The following PLXNB2 variants were observed in gnomAD, a reference collection of about 807,000 sequenced individuals.
PLXNB2 encodes the protein plexin B2, also known as plexin-B2.
In PLXNB2, 85 loss-of-function variants were observed where a neutral mutation model predicts 202.6. That is an observed-to-expected ratio of 0.42 (90% CI 0.35 to 0.50). The LOEUF (loss-of-function observed/expected upper bound fraction) is 0.50, where lower values mean the gene tolerates loss of function less well. Ranked by LOEUF, PLXNB2 falls within the 20% of genes least tolerant of loss-of-function variation. The pLI is 0.02. For synonymous variants in PLXNB2, 1,239 were observed against 1,137.6 expected (o/e 1.09, Z -1.79); for missense variants, 2,063 against 2,586.2 (o/e 0.80, Z 4.39).
intron 1 of PLXNB2, among the ~76,000 whole-genome samples, chr22:50,303,569 G>A (rs562366226): frequency 6.6e-6 from 1 of 152,362 alleles, no homozygotes; most frequent in African/African-American, 2.4e-5. Flanking sequence ...CCCTCAGGGG[G>A]CCGTGTTCAC....
intron 1 of PLXNB2, among the ~76,000 whole-genome samples, chr22:50,299,230 G>A (rs2067494384): frequency 6.6e-6 from 1 of 150,892 alleles, no homozygotes; most frequent in South Asian, 2.1e-4. Flanking sequence ...GGTGGAGAAG[G>A]CAGAGGTCCT....
chr22:50,287,346 T>A (rs1355250460), intron 7 of PLXNB2, 82 bp from the exon 8 acceptor site: 2 of 1,398,350 alleles, frequency 1.4e-6, no homozygotes, highest in East Asian at 5.1e-5. Context: ...TCCCTGCGTG[T>A]GTGGGCGCAC....
chr22:50,286,301 A>G lies in PLXNB2; in HGVS notation c.1763-14T>C, dbSNP rs772936957. The G allele has an allele frequency of 3.8e-6, 6 of 1,595,596 alleles. No homozygotes were observed. Among genetic ancestry groups the G allele is most frequent in the Non-Finnish European group, 4.3e-6 (5 of 1,164,730 alleles). On this transcript the variant is annotated splice_polypyrimidine_tract_variant and intron_variant, in intron 8 of 36. Coordinates refer to ENST00000359337, the MANE Select transcript of PLXNB2 (RefSeq NM_012401.4). ...CGGCCACGTGGTCTGCAGACAGCAG[A>G]GGGGGAGGTGTCAAGGTGGCGGCCG...
chr22:50,303,949 A>G (rs1263491627), intron 1 of PLXNB2, among the ~76,000 whole-genome samples: 1 of 152,218 alleles, frequency 6.6e-6, no homozygotes, highest in Non-Finnish European at 1.5e-5. Flanking sequence ...ACCTGCCCCC[A>G]GGCGCCCTGA....
At chr22:50,299,739 C>A (rs889782811) in intron 1 of PLXNB2, among the ~76,000 whole-genome samples, 3 of 152,116 alleles carry the variant, frequency 2.0e-5, no homozygotes, top group Non-Finnish European at 4.4e-5. Context: ...GGCGGCCCCG[C>A]CACCCAGCCC....
chr22:50,281,448 G>A lies in PLXNB2; in HGVS notation c.3574C>T (p.Arg1192Trp), dbSNP rs1372118434. 8.1e-6 allele frequency: 13 copies of A among 1,612,296 alleles called. No individual in the cohort carries two copies. Among genetic ancestry groups the A allele is most frequent in the South Asian group, 1.1e-5 (1 of 91,056 alleles). ...WVLGRVEYDTRVSDVPLSLIL... is the reference protein window; with the variant it reads ...WVLGRVEYDTWVSDVPLSLIL... ...AGGCTGAGCGGCACGTCGCTCACCC[G>A]TGTGTCGTACTCCACGCGGCCCAGC... is the stretch of plus-strand genomic sequence containing the variant. Residue 1192 changes from arginine to tryptophan, a missense_variant, in exon 22 of 37, where the codon CGG becomes TGG. This residue lies in a region of PLXNB2 where 760 missense variants were observed against 1,109.4 expected (regional missense o/e 0.69). Transcript: ENST00000359337.
rs1280294689 is a variant in PLXNB2, at chr22:50,283,942, C to T, written c.2312G>A (p.Arg771Gln). 8.3e-6 allele frequency: 13 copies of T among 1,560,904 alleles called. No homozygotes were observed. Among genetic ancestry groups the T allele is most frequent in the Admixed American group, 1.9e-5 (1 of 52,432 alleles). The change falls in exon 14 of 37, where the codon CGG becomes CAG. Residue 771 changes from arginine (R) to glutamine (Q), a missense_variant. Arg to Gln is a conservative substitution (Grantham distance 43). Transcript: ENST00000359337. ...SFGRSDCSLC[R>Q]AANPDYRCAW... ...ACACCTGTAGTCGGGGTTAGCGGCC[C>T]GGCACAGGCTGCAGTCGCTGCGGCC... is the stretch of plus-strand genomic sequence containing the variant.
intron 35 of PLXNB2, among the ~76,000 whole-genome samples, chr22:50,276,370 G>C (rs1451598253): frequency 2.9e-5 from 4 of 137,814 alleles, no homozygotes; most frequent in East Asian, 2.2e-4. Flanking sequence ...CCGCAGGGAG[G>C]GGGCGCTGTG....
intron 1 of PLXNB2, among the ~76,000 whole-genome samples, chr22:50,295,991 A>C (rs943177996): frequency 6.6e-6 from 1 of 151,850 alleles, no homozygotes; most frequent in Admixed American, 6.6e-5. Flanking sequence ...AATCCCAACT[A>C]CTCAGGAGGC....
At chr22:50,298,925 C>T (rs1450440939) in intron 1 of PLXNB2, among the ~76,000 whole-genome samples, 1 of 152,238 alleles carries the variant, frequency 6.6e-6, no homozygotes, top group Admixed American at 6.5e-5. Flanking sequence ...GAATTACAGG[C>T]GTGAGCCACC....
rs780872488 is a variant in PLXNB2, at chr22:50,280,332, C to T, written c.4175+157G>A. Reference sequence around the variant, plus strand: ...TAGAGTCCGGCTTTGAGTTTGTGGCCGGGGACACCACCCCTAGACCGCCCC... The same window carrying T: ...TAGAGTCCGGCTTTGAGTTTGTGGCTGGGGACACCACCCCTAGACCGCCCC... On this transcript the variant is annotated intron_variant, in intron 25 of 36. Coordinates refer to ENST00000359337, the MANE Select transcript of PLXNB2 (RefSeq NM_012401.4). 2.0e-5 allele frequency among the ~76,000 whole-genome samples: 3 copies of T among 152,296 alleles called. No individual in the cohort carries two copies. In the East Asian group the frequency reaches 5.8e-4, roughly 29 times the overall value.
intron 7 of PLXNB2, among the ~76,000 whole-genome samples, 183 bp from the exon 8 acceptor site, chr22:50,287,447 T>C (rs955139794): frequency 6.6e-6 from 1 of 151,914 alleles, no homozygotes; most frequent in Non-Finnish European, 1.5e-5. Context: ...AGGGCCTGAG[T>C]CCACCCTGGA....
At position 50,276,828 on chromosome 22, in the gene PLXNB2, G is replaced by A; in HGVS notation, c.5261+14C>T. ...TGGGCATGGGGGCCTGGCCTGGAGG[G>A]CAGGCAGACTTACTCCTCCACCATC... On this transcript the variant is annotated intron_variant, in intron 34 of 36. Coordinates refer to ENST00000359337, the MANE Select transcript of PLXNB2 (RefSeq NM_012401.4). The A allele has an allele frequency of 2.5e-6, 4 of 1,599,806 alleles. No homozygotes were observed. The highest frequency in any genetic ancestry group is 3.4e-6 in the Non-Finnish European group (4 of 1,169,138).
Position 50,278,408 on chromosome 22 carries a change from G to A in PLXNB2, c.4732+27C>T, listed in dbSNP as rs773798699. 89 of 1,562,008 alleles carry A rather than the reference G, an allele frequency of 5.7e-5. No individual in the cohort carries two copies. The South Asian group carries it at 9.9e-4, about 17-fold the overall frequency. ...CCACGCTGACCACCAGGGGCTGGAA[G>A]GAAACGGGCAACAGGGAGGGACTCA... is the stretch of plus-strand genomic sequence containing the variant. On this transcript the variant is annotated intron_variant, in intron 30 of 36. Transcript: ENST00000359337.
At chr22:50,281,008 C>G in intron 23 of PLXNB2, 35 bp from the exon 24 acceptor site, 2 of 1,605,124 alleles carry the variant, frequency 1.2e-6, no homozygotes, top group South Asian at 2.2e-5. Context: ...TCCCTGGCCA[C>G]GTGGGGCCCT....
At chr22:50,300,819 T>G (rs1276068757) in intron 1 of PLXNB2, among the ~76,000 whole-genome samples, 1 of 152,134 alleles carries the variant, frequency 6.6e-6, no homozygotes, top group Non-Finnish European at 1.5e-5. Context: ...GGGTGCCCCA[T>G]GAAGCCCCAG....
chr22:50,294,114 C>T (rs997708734), intron 2 of PLXNB2, among the ~76,000 whole-genome samples: 6 of 152,272 alleles, frequency 3.9e-5, no homozygotes, highest in South Asian at 2.1e-4. Context: ...CAGCCAGCTA[C>T]GCTTCCTGCT....
intron 35 of PLXNB2, among the ~76,000 whole-genome samples, chr22:50,276,384 ACGGCCGTGGGTGCAGCCG>A (rs1158245382): frequency 2.6e-5 from 4 of 151,440 alleles, no homozygotes; most frequent in African/African-American, 4.9e-5. Context: ...CGCTGTGGGC[ACGGCCGTGGGTGCAGCCG>A]CAGGGAGGGG....
At chr22:50,285,058 T>C (rs1369101969) in intron 11 of PLXNB2, 1 of 396,780 alleles carries the variant, frequency 2.5e-6, no homozygotes, top group African/African-American at 2.1e-5. Flanking sequence ...TGCTGCCTCC[T>C]GGCCTCTGTC....
Sources: gnomAD v4.1 joint callset for allele counts (sites outside exome capture counted in the v4.1 genomes callset) on GRCh38, gnomAD v4.1.1 for gene constraint, gnomAD v4.1.1 regional missense constraint, MANE v1.5 for transcripts, NCBI Gene and HGNC (gene_info 2026-07-23, HGNC 2026-07-21) for gene names.